The following LDB2 variants were observed in gnomAD, a reference collection of about 807,000 sequenced individuals.
The protein encoded by LDB2 is LIM domain-binding protein 2.
In LDB2, 12 loss-of-function variants were observed where a neutral mutation model predicts 44.3. The observed-to-expected ratio is 0.27, with a 90% CI of 0.17 to 0.44. The LOEUF is 0.44. LDB2 is among the 20% of genes least tolerant of loss of function. The pLI, the probability that LDB2 is intolerant of heterozygous loss-of-function variation, is 1.00. For synonymous variants in LDB2, 164 were observed against 174.8 expected, an observed-to-expected ratio of 0.94 and a Z score of 0.49; for missense variants, 344 against 473.5, an observed-to-expected ratio of 0.73 and a Z score of 2.54.
At chr4:16,859,427 A>T (rs1239170736) in intron 1 of LDB2, among the ~76,000 whole-genome samples, 1 of 152,214 alleles carries the variant, frequency 6.6e-6, no homozygotes, top group Admixed American at 6.5e-5. Flanking sequence ...TGAAAGCCAT[A>T]ACAGTATGGC....
intron 5 of LDB2, among the ~76,000 whole-genome samples, chr4:16,549,455 A>G (rs1487708392): frequency 2.0e-5 from 3 of 152,190 alleles, no homozygotes; most frequent in Non-Finnish European, 4.4e-5. Context: ...CTATTGATTC[A>G]ATCTTTAAAA....
intron 2 of LDB2, among the ~76,000 whole-genome samples, chr4:16,701,712 C>T (rs1014194094): frequency 3.3e-5 from 5 of 152,188 alleles, no homozygotes; most frequent in African/African-American, 4.8e-5. Context: ...GCTAGGTGCA[C>T]GGCTTGTGGC....
At chr4:16,819,460 G>GAAAAAAAAAAAAAA (rs369605183) in intron 1 of LDB2, among the ~76,000 whole-genome samples, 1 of 93,456 alleles carries the variant, frequency 1.1e-5, no homozygotes, top group African/African-American at 4.2e-5. Flanking sequence ...CTGCACTCAG[G>GAAAAAAAAAAAAAA]AAAAAAAAAA....
intron 2 of LDB2, among the ~76,000 whole-genome samples, chr4:16,718,868 G>A (rs1757630921): frequency 6.6e-6 from 1 of 152,002 alleles, no homozygotes; most frequent in Non-Finnish European, 1.5e-5. Flanking sequence ...ATGACAAACA[G>A]GTATCAATTG....
chr4:16,704,802 G>A (rs187207846), intron 2 of LDB2, among the ~76,000 whole-genome samples: 5 of 152,202 alleles, frequency 3.3e-5, no homozygotes, highest in Non-Finnish European at 7.3e-5. Context: ...TTCCCTCCAC[G>A]TGGAAGCCAC....
intron 1 of LDB2, among the ~76,000 whole-genome samples, chr4:16,895,015 G>C (rs368336489): frequency 3.5e-4 from 52 of 149,196 alleles, no homozygotes; most frequent in African/African-American, 1.2e-3. Flanking sequence ...TTTAATTAGC[G>C]TAGTGCCAAC....
chr4:16,782,640 A>G (rs572053), intron 1 of LDB2, among the ~76,000 whole-genome samples: 126,880 of 151,800 alleles, frequency 0.84, 53,848 homozygotes, highest in Middle Eastern at 0.94. Context: ...GTGAGCCACC[A>G]CGCCCAGCAA....
At chr4:16,771,478 C>T (rs1335072075) in intron 1 of LDB2, among the ~76,000 whole-genome samples, 3 of 152,168 alleles carry the variant, frequency 2.0e-5, no homozygotes, top group Non-Finnish European at 4.4e-5. Context: ...CTGCCTCACT[C>T]ACCTCTCCAC....
At chr4:16,769,853 G>A (rs557187996) in intron 1 of LDB2, among the ~76,000 whole-genome samples, 95 of 152,258 alleles carry the variant, frequency 6.2e-4, no homozygotes, top group Non-Finnish European at 1.1e-3. Context: ...ATAGTTCCCT[G>A]TCTAGTGCCT....
chr4:16,776,162 A>C (rs1373076935), intron 1 of LDB2, among the ~76,000 whole-genome samples: 5 of 152,164 alleles, frequency 3.3e-5, no homozygotes, highest in Admixed American at 3.3e-4. Context: ...GGGTGACCTT[A>C]AGTAAGTCCA....
intron 2 of LDB2, among the ~76,000 whole-genome samples, chr4:16,746,417 T>TA (rs1396658480): frequency 6.6e-6 from 1 of 151,006 alleles, no homozygotes; most frequent in Non-Finnish European, 1.5e-5. Context: ...AAGCCACGGC[T>TA]AATATTGGAC....
At chr4:16,647,080 A>G (rs1056912067) in intron 2 of LDB2, among the ~76,000 whole-genome samples, 1 of 152,230 alleles carries the variant, frequency 6.6e-6, no homozygotes, top group Non-Finnish European at 1.5e-5. Flanking sequence ...ATTGAGGAAC[A>G]GTTAAACGAA....
At chr4:16,692,087 T>G (rs1750909935) in intron 2 of LDB2, among the ~76,000 whole-genome samples, 1 of 151,996 alleles carries the variant, frequency 6.6e-6, no homozygotes, top group Non-Finnish European at 1.5e-5. Context: ...AAACACAGAT[T>G]GAAAGTAGCA....
intron 1 of LDB2, among the ~76,000 whole-genome samples, chr4:16,803,546 T>C (rs1298228003): frequency 2.6e-5 from 4 of 152,216 alleles, no homozygotes; most frequent in Non-Finnish European, 4.4e-5. Flanking sequence ...ATTAAGCCTG[T>C]GCACTCACCA....
intron 1 of LDB2, among the ~76,000 whole-genome samples, chr4:16,885,022 T>C (rs1298537968): frequency 1.3e-5 from 2 of 152,126 alleles, no homozygotes. Context: ...TATGTTGTAC[T>C]AGAAGCATAC....
chr4:16,827,572 G>C (rs1400846269), intron 1 of LDB2, among the ~76,000 whole-genome samples: 1 of 152,156 alleles, frequency 6.6e-6, no homozygotes, highest in Non-Finnish European at 1.5e-5. Flanking sequence ...AGGCAAATTA[G>C]TGTCAAAAAG....
At position 16,561,620 on chromosome 4, in the gene LDB2, T is replaced by C. The variant is rs184158583; in HGVS notation, c.615+24302A>G. Among the ~76,000 whole-genome samples, 153 of 152,232 alleles carry C rather than the reference T, an allele frequency of 1.0e-3. 1 individual carries two copies. In the East Asian group the frequency reaches 0.023, roughly 23 times the overall value. ...CATGCTCATGGGTAGGAAGAATCAA[T>C]ATCCTGAAAATGGCCATACTGCCCA... On this transcript the variant is annotated intron_variant, in intron 5 of 7. Coordinates refer to ENST00000304523, the MANE Select transcript of LDB2 (RefSeq NM_001290.5).
chr4:16,517,691 A>G (rs1724293345), intron 5 of LDB2, among the ~76,000 whole-genome samples: 1 of 152,222 alleles, frequency 6.6e-6, no homozygotes, highest in African/African-American at 2.4e-5. Context: ...TCAAGTCCAG[A>G]TAGGATCCCT....
chr4:16,560,002 T>A (rs1287778670), intron 5 of LDB2, among the ~76,000 whole-genome samples: 3 of 152,182 alleles, frequency 2.0e-5, no homozygotes, highest in South Asian at 4.1e-4. Context: ...GAAATAAAGA[T>A]GTTCTTTGAA....
Sources: gnomAD v4.1 joint callset for allele counts (sites outside exome capture counted in the v4.1 genomes callset) on GRCh38, gnomAD v4.1.1 for gene constraint, MANE v1.5 for transcripts, NCBI Gene and HGNC (gene_info 2026-07-23, HGNC 2026-07-21) for gene names.